SEMA6A: variants seen among roughly 807,000 people sequenced by gnomAD.
SEMA6A encodes the protein semaphorin-6A.
A neutral mutation model predicts 96.8 loss-of-function variants in SEMA6A; 25 were observed. The observed-to-expected ratio is 0.26, with a 90% CI of 0.19 to 0.36. The LOEUF is 0.36. SEMA6A is among the 10% of genes least tolerant of loss of function. SEMA6A has a pLI of 1.00. For synonymous variants in SEMA6A, 612 were observed against 518.0 expected, an observed-to-expected ratio of 1.18 and a Z score of -2.46; for missense variants, 1,363 against 1,323.1, an observed-to-expected ratio of 1.03 and a Z score of -0.47.
intron 18 of SEMA6A, among the ~76,000 whole-genome samples, chr5:116,461,679 T>A (rs1009605421): frequency 6.6e-6 from 1 of 152,190 alleles, no homozygotes; most frequent in African/African-American, 2.4e-5. Flanking sequence ...CCTTGATGTG[T>A]TCAGCCAAGT....
At chr5:116,474,372 A>T (rs1361682228) in intron 16 of SEMA6A, among the ~76,000 whole-genome samples, 14 of 152,086 alleles carry the variant, frequency 9.2e-5, no homozygotes, top group Admixed American at 9.2e-4. Flanking sequence ...AGGTCCACTG[A>T]TCAAACATCA....
chr5:116,483,786 G>T (rs895518913), intron 10 of SEMA6A, among the ~76,000 whole-genome samples: 2 of 152,080 alleles, frequency 1.3e-5, no homozygotes, highest in Admixed American at 1.3e-4. Context: ...GTGATAGGCC[G>T]GGCGAAGTGG....
chr5:116,454,686 T>G (rs1754883402), intron 18 of SEMA6A, among the ~76,000 whole-genome samples: 1 of 152,148 alleles, frequency 6.6e-6, no homozygotes, highest in African/African-American at 2.4e-5. Flanking sequence ...CTTCTTCTTG[T>G]CTTACGGCAT....
intron 2 of SEMA6A, 63 bp from the exon 3 acceptor site, chr5:116,502,390 G>C: frequency 7.3e-7 from 1 of 1,368,400 alleles, no homozygotes; most frequent in Non-Finnish European, 1.0e-6. Flanking sequence ...TGACAGGGTA[G>C]GGAGGGGAGG....
chr5:116,482,005 T>G (rs995985364), intron 11 of SEMA6A, among the ~76,000 whole-genome samples: 1 of 152,160 alleles, frequency 6.6e-6, no homozygotes, highest in Non-Finnish European at 1.5e-5. Context: ...TGATCCAGCT[T>G]GGTCACAAAT....
chr5:116,473,766 G>A (rs574446076), intron 16 of SEMA6A, among the ~76,000 whole-genome samples: 3 of 152,224 alleles, frequency 2.0e-5, no homozygotes, highest in Admixed American at 2.0e-4. Context: ...ACCTATGTGG[G>A]GATAGGTCTG....
intron 3 of SEMA6A, among the ~76,000 whole-genome samples, chr5:116,499,726 G>C (rs773225090): frequency 1.3e-5 from 2 of 152,194 alleles, no homozygotes; most frequent in East Asian, 1.9e-4. Context: ...TTATTTGATA[G>C]TTTCAAATAT....
chr5:116,489,419 C>CAGGGAAAGAT (rs1757227149), intron 7 of SEMA6A, among the ~76,000 whole-genome samples: 1 of 151,972 alleles, frequency 6.6e-6, no homozygotes, highest in Admixed American at 6.6e-5. Context: ...TGATTGTGTC[C>CAGGGAAAGAT]CCAGAAATTT....
intron 1 of SEMA6A, among the ~76,000 whole-genome samples, chr5:116,568,423 C>T (rs778535069): frequency 3.1e-4 from 47 of 152,162 alleles, no homozygotes; most frequent in East Asian, 3.9e-4. Context: ...ATATACTGTA[C>T]GGGTACAGGG....
intron 3 of SEMA6A, among the ~76,000 whole-genome samples, chr5:116,501,188 G>A (rs1757861303): frequency 6.6e-6 from 1 of 152,162 alleles, no homozygotes; most frequent in South Asian, 2.1e-4. Context: ...GGACTCCTTA[G>A]GGACTTCATT....
chr5:116,505,459 GCACACA>G (rs35083865), intron 1 of SEMA6A, among the ~76,000 whole-genome samples: 13 of 127,830 alleles, frequency 1.0e-4, no homozygotes, highest in South Asian at 2.4e-4. Flanking sequence ...ACACGCACGC[GCACACA>G]CACACACACA....
rs1490080052 is a variant in SEMA6A at position 116,478,528 on chromosome 5, A to G, written c.1427+14T>C. On this transcript the variant is annotated intron_variant, in intron 13 of 18. Transcript: ENST00000343348. ...ACAAATAATTACTAAGAAAGAACCAAATATTCCACTTACTTTTCAGAGTTG... is the reference window on the plus strand; with the variant it reads ...ACAAATAATTACTAAGAAAGAACCAGATATTCCACTTACTTTTCAGAGTTG... 1.3e-6 allele frequency: 2 copies of G among 1,594,972 alleles called. No individual in the cohort carries two copies. Among genetic ancestry groups the G allele is most frequent in the East Asian group, 2.2e-5 (1 of 44,504 alleles).
chr5:116,520,642 T>C (rs1318160401), intron 1 of SEMA6A, among the ~76,000 whole-genome samples: 5 of 152,186 alleles, frequency 3.3e-5, no homozygotes, highest in African/African-American at 1.2e-4. Flanking sequence ...AGATGATTTC[T>C]GCTCAAAATA....
intron 10 of SEMA6A, among the ~76,000 whole-genome samples, chr5:116,484,070 A>G (rs1756922572): frequency 1.3e-5 from 2 of 151,278 alleles, no homozygotes; most frequent in Admixed American, 6.6e-5. Context: ...TCTGAAGAAA[A>G]AAAAAAAAAA....
At chr5:116,507,649 C>T (rs939706674) in intron 1 of SEMA6A, among the ~76,000 whole-genome samples, 1 of 152,194 alleles carries the variant, frequency 6.6e-6, no homozygotes, top group Non-Finnish European at 1.5e-5. Context: ...TTGTCGATTT[C>T]CCTGTCTGTG....
At chr5:116,502,068 C>T in intron 3 of SEMA6A, 142 bp downstream of exon 3, 2 of 633,422 alleles carry the variant, frequency 3.2e-6, no homozygotes, top group Non-Finnish European at 2.8e-6. Context: ...ATAATGATTG[C>T]TTGATAAGTT....
intron 1 of SEMA6A, among the ~76,000 whole-genome samples, chr5:116,513,753 T>C (rs1758531753): frequency 6.6e-6 from 1 of 152,148 alleles, no homozygotes; most frequent in Non-Finnish European, 1.5e-5. Context: ...ATCCACGAGC[T>C]ATTCTTCCCG....
At chr5:116,544,222 C>T (rs149650718) in intron 1 of SEMA6A, among the ~76,000 whole-genome samples, 5 of 152,178 alleles carry the variant, frequency 3.3e-5, no homozygotes, top group African/African-American at 2.4e-5. Flanking sequence ...GCGGGGTCTA[C>T]GGCATGGATG....
At chr5:116,538,854 A>G (rs1009737927) in intron 1 of SEMA6A, among the ~76,000 whole-genome samples, 2 of 152,174 alleles carry the variant, frequency 1.3e-5, no homozygotes, top group Non-Finnish European at 2.9e-5. Flanking sequence ...CCTATTCCAC[A>G]ACAGGGGCAC....
Sources: gnomAD v4.1 joint callset for allele counts (sites outside exome capture counted in the v4.1 genomes callset) on GRCh38, gnomAD v4.1.1 for gene constraint, MANE v1.5 for transcripts, NCBI Gene and HGNC (gene_info 2026-07-23, HGNC 2026-07-21) for gene names.